The following R3HDML variants were observed in gnomAD, a reference collection of about 807,000 sequenced individuals.
R3HDML encodes the protein R3H domain containing like.
A neutral mutation model predicts 24.2 loss-of-function variants in R3HDML; 21 were observed. That is an observed-to-expected ratio of 0.87 (90% CI 0.62 to 1.25). The LOEUF (loss-of-function observed/expected upper bound fraction) is 1.25. Ranked by LOEUF, R3HDML falls within the 50% of genes most tolerant of loss-of-function variation. The pLI, the probability that R3HDML is intolerant of heterozygous loss-of-function variation, is 0.00. For missense variants in R3HDML, 301 were observed against 340.3 expected, an observed-to-expected ratio of 0.88 and a Z score of 0.91; for synonymous variants, 133 against 131.5, an observed-to-expected ratio of 1.01 and a Z score of -0.08.
chr20:44,342,646 T>A (rs1012301885), intron 2 of R3HDML, among the ~76,000 whole-genome samples: 2 of 152,310 alleles, frequency 1.3e-5, no homozygotes, highest in Non-Finnish European at 2.9e-5. Flanking sequence ...CTGTCAAATA[T>A]GTGTAATAGA....
chr20:44,339,261 C>G (rs1001586186), intron 1 of R3HDML, among the ~76,000 whole-genome samples: 2 of 152,068 alleles, frequency 1.3e-5, no homozygotes, highest in Admixed American at 1.3e-4. Flanking sequence ...CTCACACCGA[C>G]CAGGACTGTA....
In R3HDML at chr20:44,343,881, T is replaced by C. The variant is rs531345180; in HGVS notation, c.513+372T>C. On this transcript the variant is annotated intron_variant, in intron 3 of 4. Coordinates refer to ENST00000217043, the MANE Select transcript of R3HDML (RefSeq NM_178491.4). ...GACTGGGTGCAGTGGCTCACGCTTGTAATCTCAGTAACTTGAGAGGCTGAG... is the reference window on the plus strand; with the variant it reads ...GACTGGGTGCAGTGGCTCACGCTTGCAATCTCAGTAACTTGAGAGGCTGAG... Among the ~76,000 whole-genome samples the C allele has an allele frequency of 2.6e-5, 4 of 152,240 alleles. No homozygotes were observed. The East Asian group carries it at 7.7e-4, about 29-fold the overall frequency.
chr20:44,343,983 C>T (rs6073414), intron 3 of R3HDML, among the ~76,000 whole-genome samples: 121,377 of 151,894 alleles, frequency 0.8, 48,679 homozygotes, highest in African/African-American at 0.86. Flanking sequence ...AAAAACCTTT[C>T]TAAAAATAGT....
chr20:44,343,206 A>T (rs1474510995), intron 2 of R3HDML, among the ~76,000 whole-genome samples, 171 bp from the exon 3 acceptor site: 1 of 152,162 alleles, frequency 6.6e-6, no homozygotes, highest in Non-Finnish European at 1.5e-5. Context: ...GGCACTTCAC[A>T]TGGGTTCAGA....
At position 44,337,113 on chromosome 20, in the gene R3HDML, C is replaced by T. The variant is rs768205454; in HGVS notation, c.-45C>T. 9.4e-5 allele frequency: 148 copies of T among 1,574,720 alleles called. 1 individual carries two copies. Among genetic ancestry groups the T allele is most frequent in the Non-Finnish European group, 1.2e-4 (140 of 1,156,634 alleles). The stretch of plus-strand genomic sequence containing the variant: ...CTCGTGCCTGCCCCTTCCAGGCAGC[C>T]GGCTCTGATTGCACAAGGCAGACCT... On this transcript the variant is annotated 5_prime_UTR_variant, in exon 1 of 5. Transcript: ENST00000217043. This position sits in a 1 kb window ranked among gnomAD's most constrained non-coding sequence, Gnocchi z 4.7.
chr20:44,345,037 A>C, intron 3 of R3HDML: 1 of 553,446 alleles, frequency 1.8e-6, no homozygotes, highest in Non-Finnish European at 3.2e-6. Context: ...CTGTTTGTAC[A>C]CCTGTAACAA....
chr20:44,341,438 A>C, intron 2 of R3HDML, 124 bp downstream of exon 2: 1 of 715,070 alleles, frequency 1.4e-6, no homozygotes, highest in Non-Finnish European at 2.3e-6. Flanking sequence ...CAAGCTCTCC[A>C]CCTGCAGGGA....
chr20:44,349,023 T>A (rs939402586), intron 4 of R3HDML, among the ~76,000 whole-genome samples: 4 of 151,680 alleles, frequency 2.6e-5, no homozygotes, highest in Non-Finnish European at 4.4e-5. Context: ...TGGAGGTGCG[T>A]CCCTGAGGCA....
Position 44,337,124 on chromosome 20 carries a change from G to A in R3HDML, c.-34G>A. 6.3e-7 allele frequency: 1 copy of A among 1,592,576 alleles called. No homozygotes were observed. The stretch of plus-strand genomic sequence containing the variant: ...CCCTTCCAGGCAGCCGGCTCTGATT[G>A]CACAAGGCAGACCTGTGACTCCTCC... On this transcript the variant is annotated 5_prime_UTR_variant, in exon 1 of 5. Transcript: ENST00000217043. The surrounding 1 kb of genome is among the most constrained non-coding windows in gnomAD (Gnocchi z 4.7).
In R3HDML at chr20:44,337,369, A is replaced by G. The variant is rs766996028; in HGVS notation, c.212A>G (p.Asn71Ser). ...ATGAATGCCTTACTGGATTATCACA[A>G]CCACATCCGGGCCAGTGTGTACCCA... The part of the protein sequence containing the change: ...RDMNALLDYH[N>S]HIRASVYPPA... The change falls in exon 1 of 5, where the codon AAC becomes AGC. Residue 71 changes from asparagine (N) to serine (S), a missense_variant. Coordinates refer to ENST00000217043, the MANE Select transcript of R3HDML (RefSeq NM_178491.4). This position sits in a 1 kb window ranked among gnomAD's most constrained non-coding sequence, Gnocchi z 4.7. The G allele has an allele frequency of 2.3e-5, 37 of 1,614,054 alleles. No homozygotes were observed. The East Asian group carries it at 4.9e-4, about 21-fold the overall frequency.
At chr20:44,350,592 T>A (rs2062807443) in intron 4 of R3HDML, 68 bp from the exon 5 acceptor site, 1 of 1,515,238 alleles carries the variant, frequency 6.6e-7, no homozygotes, top group Non-Finnish European at 8.9e-7. Flanking sequence ...AGCGCTGAGA[T>A]CTGGACATCT....
rs1045283976 is a variant in R3HDML at position 44,350,522 on chromosome 20, A to T, written c.630-138A>T. On this transcript the variant is annotated intron_variant, in intron 4 of 4. Coordinates refer to ENST00000217043, the MANE Select transcript of R3HDML (RefSeq NM_178491.4). ...TAAATAAATAAATAAAGGAAAGAAA[A>T]AAAAGAAACCAAGGCTTGCAGATGT... 15 of 700,616 alleles carry T rather than the reference A, an allele frequency of 2.1e-5. No homozygotes were observed. In the Admixed American group the frequency reaches 2.7e-4, roughly 13 times the overall value. The allele number at this position is 700,616 out of a possible 1,614,324, so 43.4% of individuals were successfully genotyped here.
chr20:44,343,799 G>A (rs1279850649), intron 3 of R3HDML, among the ~76,000 whole-genome samples: 4 of 151,744 alleles, frequency 2.6e-5, no homozygotes, highest in Admixed American at 6.6e-5. Context: ...AGGTTCAAGT[G>A]AAACTCTGTC....
intron 1 of R3HDML, among the ~76,000 whole-genome samples, chr20:44,338,309 G>A (rs116869199): frequency 3.2e-4 from 48 of 152,290 alleles, no homozygotes; most frequent in Admixed American, 4.6e-4. Context: ...GCCAGGCACC[G>A]TGCTAAGCCT....
At chr20:44,349,025 C>G (rs1484967559) in intron 4 of R3HDML, among the ~76,000 whole-genome samples, 1 of 151,720 alleles carries the variant, frequency 6.6e-6, no homozygotes, top group Non-Finnish European at 1.5e-5. Flanking sequence ...GAGGTGCGTC[C>G]CTGAGGCAGG....
Position 44,341,221 on chromosome 20 carries a change from C to T in R3HDML, c.287C>T (p.Ala96Val). The change falls in exon 2 of 5, where the codon GCT becomes GTT. Residue 96 changes from alanine (A) to valine (V), a missense_variant. Physicochemically the swap from Ala to Val is moderately conservative, Grantham distance 64 (BLOSUM62 0). Coordinates refer to ENST00000217043, the MANE Select transcript of R3HDML (RefSeq NM_178491.4). ...YMVWDKRLAR[A>V]AEAWATQCIW... ...GTCTGGGACAAGCGGCTGGCCAGGG[C>T]TGCCGAAGCCTGGGCCACCCAGTGC... 1.2e-6 allele frequency: 2 copies of T among 1,613,832 alleles called. No homozygotes were observed. Among genetic ancestry groups the T allele is most frequent in the Non-Finnish European group, 1.7e-6 (2 of 1,179,752 alleles).
intron 1 of R3HDML, among the ~76,000 whole-genome samples, chr20:44,338,444 G>A (rs921278255): frequency 1.3e-5 from 2 of 152,166 alleles, no homozygotes; most frequent in Admixed American, 6.6e-5. Flanking sequence ...ACGTGAGGAG[G>A]CAATACAGTG....
chr20:44,339,577 A>ATGTGTGTGTG (rs1037269097), intron 1 of R3HDML, among the ~76,000 whole-genome samples: 113 of 108,632 alleles, frequency 1.0e-3, no homozygotes, highest in African/African-American at 3.7e-3. Flanking sequence ...TTGCCTATAT[A>ATGTGTGTGTG]TATGTGTGTG....
intron 1 of R3HDML, among the ~76,000 whole-genome samples, chr20:44,339,403 A>G (rs1329055823): frequency 1.3e-5 from 2 of 152,180 alleles, no homozygotes; most frequent in Admixed American, 1.3e-4. Context: ...GATGGAAGGG[A>G]ACTAGTATTT....
Sources: gnomAD v4.1 joint callset for allele counts (sites outside exome capture counted in the v4.1 genomes callset) on GRCh38, gnomAD v4.1.1 for gene constraint, Gnocchi (gnomAD v3.1) non-coding constraint, MANE v1.5 for transcripts, NCBI Gene and HGNC (gene_info 2026-07-23, HGNC 2026-07-21) for gene names.